Variants in TSPAN11 observed in about 807,000 individuals in gnomAD.
TSPAN11 encodes the protein tetraspanin 11, also known as tetraspanin-11.
TSPAN11 carries 29 observed loss-of-function variants against 32.9 expected under a neutral mutation model. The ratio of observed to expected loss-of-function variants is 0.88; its 90% CI spans 0.66 to 1.20. The LOEUF (loss-of-function observed/expected upper bound fraction) is 1.20, where lower values mean the gene tolerates loss of function less well. Among genes scored for constraint, TSPAN11 ranks in the 50% most tolerant of loss-of-function variants. The pLI is 0.00. For missense variants in TSPAN11, 283 were observed against 329.1 expected (o/e 0.86, Z 1.08); for synonymous variants, 140 against 141.3 (o/e 0.99, Z 0.07).
At chr12:31,003,321 C>G in the TSPAN11 span, among the ~76,000 whole-genome samples, 196 of 152,316 alleles carry the variant, frequency 1.3e-3, no homozygotes, top group African/African-American at 4.3e-3. Flanking sequence ...AACATCTACT[C>G]TATGCATGGA....
At chr12:30,931,484 T>C (rs1416482617) in intron 1 of TSPAN11, among the ~76,000 whole-genome samples, 1 of 110,066 alleles carries the variant, frequency 9.1e-6, no homozygotes, top group Non-Finnish European at 1.9e-5. Context: ...TCTATGAGCG[T>C]TCTTGAAATG....
rs761583976 is a variant in TSPAN11 at position 30,963,836 on chromosome 12, C to A, written c.95C>A (p.Ala32Glu). 5 of 1,607,864 alleles carry A rather than the reference C, an allele frequency of 3.1e-6. No individual in the cohort carries two copies. In the Admixed American group the frequency reaches 8.3e-5, roughly 27 times the overall value. ...VFNFFFWVGG[A>E]AVLAVGIWTL... ...GGTGGTCTCCTGCAGGTCGGGGGAG[C>A]AGCCGTCCTGGCTGTGGGCATCTGG... Residue 32 changes from alanine to glutamate, a missense_variant, in exon 3 of 8, where the codon GCA (alanine) becomes GAA (glutamate). By Grantham distance (107) the Ala-to-Glu change is moderately radical. Coordinates refer to ENST00000546076, the MANE Select transcript of TSPAN11 (RefSeq NM_001370302.1).
rs1320174952 is a variant in TSPAN11 at position 30,991,961 on chromosome 12, G to A, written c.*46G>A. 2 of 1,608,604 alleles carry A rather than the reference G, an allele frequency of 1.2e-6. No individual in the cohort carries two copies. Among genetic ancestry groups the A allele is most frequent in the Non-Finnish European group, 1.7e-6 (2 of 1,175,162 alleles). ...CAACTGCCCCTCAAGACAACATGTG[G>A]CCACATGCCATCTGCAAGGCCTGCA... On this transcript the variant is annotated 3_prime_UTR_variant, in exon 8 of 8. Coordinates refer to ENST00000546076, the MANE Select transcript of TSPAN11 (RefSeq NM_001370302.1).
rs528038323 is a variant in TSPAN11, at chr12:30,937,148, T to G, written c.-12+10352T>G. Among the ~76,000 whole-genome samples, 6 of 152,328 alleles carry G rather than the reference T, an allele frequency of 3.9e-5. 1 individual carries two copies. In the East Asian group the frequency reaches 7.7e-4, roughly 20 times the overall value. On this transcript the variant is annotated intron_variant, in intron 1 of 7. Coordinates refer to ENST00000546076, the MANE Select transcript of TSPAN11 (RefSeq NM_001370302.1). ...AGATAGGAAAAGCCACCTTTGGCTC[T>G]GGCAATTGGAAGTGACTTTGGGTTA... is the stretch of plus-strand genomic sequence containing the variant.
chr12:31,011,516 C>A, the TSPAN11 span, among the ~76,000 whole-genome samples: 1 of 152,206 alleles, frequency 6.6e-6, no homozygotes, highest in Non-Finnish European at 1.5e-5. Flanking sequence ...AAAAATTACA[C>A]TAGAGGCAAC....
chr12:30,930,522 T>G (rs549872041), intron 1 of TSPAN11, among the ~76,000 whole-genome samples: 1 of 152,298 alleles, frequency 6.6e-6, no homozygotes, highest in Admixed American at 6.5e-5. Context: ...TTCCTCTCCG[T>G]GTGACCTTCC....
At chr12:30,959,631 T>C (rs1052349599) in intron 2 of TSPAN11, among the ~76,000 whole-genome samples, 2 of 151,654 alleles carry the variant, frequency 1.3e-5, no homozygotes, top group African/African-American at 4.8e-5. Context: ...AATACAAAAA[T>C]TAGCCAGGCG....
the TSPAN11 span, among the ~76,000 whole-genome samples, chr12:31,004,427 G>A: frequency 2.0e-5 from 3 of 152,092 alleles, no homozygotes; most frequent in South Asian, 2.1e-4. Flanking sequence ...TGCTGATGTC[G>A]ATGAACCCTG....
At chr12:30,973,002 G>A (rs923310689) in intron 3 of TSPAN11, among the ~76,000 whole-genome samples, 2 of 151,974 alleles carry the variant, frequency 1.3e-5, no homozygotes, top group Non-Finnish European at 2.9e-5. Flanking sequence ...CTTTGCGGAG[G>A]AGCACTGACA....
chr12:30,937,812 T>G (rs1387026705), intron 1 of TSPAN11, among the ~76,000 whole-genome samples: 1 of 152,178 alleles, frequency 6.6e-6, no homozygotes, highest in African/African-American at 2.4e-5. Flanking sequence ...TTGAAAGCCC[T>G]CCAGGTGATT....
At chr12:30,926,943 C>T in intron 1 of TSPAN11, 147 bp downstream of exon 1, 6 of 1,280,708 alleles carry the variant, frequency 4.7e-6, no homozygotes, top group Non-Finnish European at 6.1e-6. Context: ...AGAGGGAAGC[C>T]GGCTGGGGAT....
chr12:30,929,083 G>A (rs182424186), intron 1 of TSPAN11, among the ~76,000 whole-genome samples: 7 of 152,294 alleles, frequency 4.6e-5, no homozygotes, highest in East Asian at 1.9e-4. Flanking sequence ...CTGGCAGGGC[G>A]CCAGGTCCCT....
intron 2 of TSPAN11, among the ~76,000 whole-genome samples, chr12:30,957,706 T>TC (rs746521953): frequency 0.034 from 1,198 of 34,958 alleles, 42 homozygotes; most frequent in African/African-American, 0.094. Context: ...CCTCCCTCCC[T>TC]CCTTCCTTCC....
At chr12:30,942,897 C>T (rs1444550052) in intron 1 of TSPAN11, among the ~76,000 whole-genome samples, 1 of 152,126 alleles carries the variant, frequency 6.6e-6, no homozygotes, top group African/African-American at 2.4e-5. Flanking sequence ...AAAAGAGTTG[C>T]CTGAATTCAT....
At chr12:31,012,877 G>C in the TSPAN11 span, 1 of 152,200 alleles carries the variant, frequency 6.6e-6, no homozygotes, top group African/African-American at 2.4e-5. Flanking sequence ...TCTGTAAGAT[G>C]AGGCGGAGGA....
chr12:30,950,570 G>A (rs1938362604), intron 1 of TSPAN11, among the ~76,000 whole-genome samples: 1 of 152,168 alleles, frequency 6.6e-6, no homozygotes, highest in African/African-American at 2.4e-5. Flanking sequence ...CCAGGGTGAT[G>A]TTAGCTGTGA....
intron 3 of TSPAN11, among the ~76,000 whole-genome samples, chr12:30,968,499 G>A (rs1938783792): frequency 6.6e-6 from 1 of 152,200 alleles, no homozygotes. Context: ...ACAGGAATGG[G>A]GCTTAAATTA....
At chr12:30,956,761 A>G (rs1017848063) in intron 2 of TSPAN11, among the ~76,000 whole-genome samples, 35 of 152,190 alleles carry the variant, frequency 2.3e-4, no homozygotes, top group African/African-American at 8.0e-4. Context: ...CGCCCCTGCA[A>G]TGGTGTTCTC....
intron 5 of TSPAN11, among the ~76,000 whole-genome samples, chr12:30,981,649 C>CTTCCTCCTCTG (rs1459953873): frequency 6.6e-6 from 1 of 152,218 alleles, no homozygotes; most frequent in Non-Finnish European, 1.5e-5. Flanking sequence ...GCATTAACCC[C>CTTCCTCCTCTG]TTCCTCCTCT....
Sources: gnomAD v4.1 joint callset for allele counts (sites outside exome capture counted in the v4.1 genomes callset) on GRCh38, gnomAD v4.1.1 for gene constraint, MANE v1.5 for transcripts, NCBI Gene and HGNC (gene_info 2026-07-23, HGNC 2026-07-21) for gene names.